VAV2: variants seen among roughly 807,000 people sequenced by gnomAD.
VAV2 encodes the protein vav guanine nucleotide exchange factor 2.
Under a neutral mutation model 132.5 loss-of-function variants are expected in VAV2, and 67 were observed. The ratio of observed to expected loss-of-function variants is 0.51; its 90% CI spans 0.42 to 0.62. VAV2 has a LOEUF of 0.62. Ranked by LOEUF, VAV2 falls within the 20% of genes least tolerant of loss-of-function variation. The pLI is 0.00. For synonymous variants in VAV2, 492 were observed against 443.5 expected (o/e 1.11, Z -1.37); for missense variants, 938 against 1,153.6 (o/e 0.81, Z 2.71).
intron 4 of VAV2, among the ~76,000 whole-genome samples, chr9:133,831,790 G>A (rs1340364949): frequency 2.0e-5 from 3 of 152,222 alleles, no homozygotes; most frequent in Admixed American, 6.5e-5. Context: ...CCCTCACACC[G>A]GCCAGGAGCT....
chr9:133,883,234 G>A lies in VAV2; in HGVS notation c.322-21802C>T, dbSNP rs1191361984. ...GCCCTTCATCATTTGCTCATTTCAC[G>A]TTCCCCTAATCATGCGAAGAGCCCT... On this transcript the variant is annotated intron_variant, in intron 2 of 29. Coordinates refer to ENST00000371850, the MANE Select transcript of VAV2 (RefSeq NM_001134398.2). This position sits in a 1 kb window ranked among gnomAD's most constrained non-coding sequence, Gnocchi z 4.2. 2.0e-5 allele frequency among the ~76,000 whole-genome samples: 3 copies of A among 152,212 alleles called. No individual in the cohort carries two copies. Among genetic ancestry groups the A allele is most frequent in the Admixed American group, 6.5e-5 (1 of 15,286 alleles).
At chr9:133,831,444 GA>G (rs369877382) in intron 4 of VAV2, among the ~76,000 whole-genome samples, 8,396 of 138,264 alleles carry the variant, frequency 0.061, 468 homozygotes, top group African/African-American at 0.16. Flanking sequence ...CTCAAAAAAA[GA>G]AAAAAAAAAA....
chr9:133,790,235 G>A (rs938655225), intron 13 of VAV2, among the ~76,000 whole-genome samples: 1 of 152,194 alleles, frequency 6.6e-6, no homozygotes, highest in African/African-American at 2.4e-5. Context: ...GGAGTGCAGT[G>A]GCGCAATCGT....
At chr9:133,767,957 A>G (rs1003048435) in intron 29 of VAV2, among the ~76,000 whole-genome samples, 3 of 152,156 alleles carry the variant, frequency 2.0e-5, no homozygotes, top group Non-Finnish European at 4.4e-5. Flanking sequence ...CCCACCTGGC[A>G]CTTGGGAAAG....
chr9:133,899,611 C>T (rs1208337969), intron 2 of VAV2, among the ~76,000 whole-genome samples: 2 of 150,694 alleles, frequency 1.3e-5, no homozygotes, highest in African/African-American at 4.9e-5. Flanking sequence ...CGTTTCACCA[C>T]GTTGACTAGG....
chr9:133,917,576 A>ACAGAGGC (rs915977253), intron 2 of VAV2, among the ~76,000 whole-genome samples: 1 of 151,698 alleles, frequency 6.6e-6, no homozygotes, highest in Non-Finnish European at 1.5e-5. Context: ...TGCCCATCCC[A>ACAGAGGC]CAGAGGCCAT....
intron 3 of VAV2, among the ~76,000 whole-genome samples, chr9:133,851,808 G>GGTGA (rs1837184934): frequency 7.8e-6 from 1 of 127,720 alleles, no homozygotes; most frequent in Non-Finnish European, 1.5e-5. Flanking sequence ...TAAATGGATG[G>GGTGA]ATGGATGGAT....
rs968870651 is a variant in VAV2 at position 133,794,704 on chromosome 9, TG to T, written c.1101+963del. On this transcript the variant is annotated intron_variant, in intron 12 of 29. Coordinates refer to ENST00000371850, the MANE Select transcript of VAV2 (RefSeq NM_001134398.2). The surrounding 1 kb of genome is among the most constrained non-coding windows in gnomAD (Gnocchi z 4.6). Reference sequence around the variant, plus strand: ...TCCTGTGCTCCCGACGAGGGAGATGTGGGGGGGGTCGTCATCCCTCCACCCA... The same window carrying T: ...TCCTGTGCTCCCGACGAGGGAGATGTGGGGGGGTCGTCATCCCTCCACCCA... 1.3e-4 allele frequency among the ~76,000 whole-genome samples: 19 copies of T among 151,720 alleles called. No individual in the cohort carries two copies. The highest frequency in any genetic ancestry group is 2.4e-4 in the African/African-American group (10 of 41,422).
chr9:133,812,108 G>T lies in VAV2; in HGVS notation c.552+6C>A. On this transcript the variant is annotated splice_donor_region_variant and intron_variant, in intron 5 of 29. Transcript: ENST00000371850. Reference sequence around the variant, plus strand: ...GGAAGGGAGGGAGGAGCGGGGCAGGGCTCACCATGGGCTGCTGCACCTCCA... The same window carrying T: ...GGAAGGGAGGGAGGAGCGGGGCAGGTCTCACCATGGGCTGCTGCACCTCCA... 1 of 1,613,498 alleles carries T rather than the reference G, an allele frequency of 6.2e-7. No individual in the cohort carries two copies. The highest frequency in any genetic ancestry group is 2.2e-5 in the East Asian group (1 of 44,864).
Position 133,824,974 on chromosome 9 carries a change from A to G in VAV2, c.449+9298T>C, listed in dbSNP as rs1286827963. ...CTGGCTTCATTCACTCCATTCTGCC[A>G]GTCCCCACAGAGGCCTGGCCTCACA... is the stretch of plus-strand genomic sequence containing the variant. On this transcript the variant is annotated intron_variant, in intron 4 of 29. Transcript: ENST00000371850. The surrounding 1 kb of genome is among the most constrained non-coding windows in gnomAD (Gnocchi z 5.2). Among the ~76,000 whole-genome samples the G allele has an allele frequency of 1.3e-5, 2 of 152,218 alleles. No homozygotes were observed. The highest frequency in any genetic ancestry group is 2.9e-5 in the Non-Finnish European group (2 of 68,030).
chr9:133,794,707 G>C lies in VAV2; in HGVS notation c.1101+961C>G, dbSNP rs777310550. Among the ~76,000 whole-genome samples the C allele has an allele frequency of 1.9e-4, 29 of 152,304 alleles. No homozygotes were observed. The highest frequency in any genetic ancestry group is 3.4e-4 in the Non-Finnish European group (23 of 68,012). ...TGTGCTCCCGACGAGGGAGATGTGGGGGGGGTCGTCATCCCTCCACCCAGA... is the reference window on the plus strand; with the variant it reads ...TGTGCTCCCGACGAGGGAGATGTGGCGGGGGTCGTCATCCCTCCACCCAGA... On this transcript the variant is annotated intron_variant, in intron 12 of 29. Coordinates refer to ENST00000371850, the MANE Select transcript of VAV2 (RefSeq NM_001134398.2). This position sits in a 1 kb window ranked among gnomAD's most constrained non-coding sequence, Gnocchi z 4.6.
At position 133,772,059 on chromosome 9, in the gene VAV2, A is replaced by G. The variant is rs1251487582; in HGVS notation, c.2136-13T>C. Reference sequence around the variant, plus strand: ...CTCATCATTGAACCTGAGCAAACACACGGCCCCGGCGGTCACCGCGTGAGG... The same window carrying G: ...CTCATCATTGAACCTGAGCAAACACGCGGCCCCGGCGGTCACCGCGTGAGG... On this transcript the variant is annotated splice_polypyrimidine_tract_variant and intron_variant, in intron 25 of 29. Transcript: ENST00000371850. 1 of 1,612,182 alleles carries G rather than the reference A, an allele frequency of 6.2e-7. No homozygotes were observed. Among genetic ancestry groups the G allele is most frequent in the Non-Finnish European group, 8.5e-7 (1 of 1,178,490 alleles).
chr9:133,905,694 T>TG (rs1158149896), intron 2 of VAV2, among the ~76,000 whole-genome samples: 1 of 151,952 alleles, frequency 6.6e-6, no homozygotes, highest in African/African-American at 2.4e-5. Flanking sequence ...AGACCAGCCC[T>TG]GGGGGGTAGC....
chr9:133,914,352 G>A (rs1055965235), intron 2 of VAV2, among the ~76,000 whole-genome samples: 3 of 152,040 alleles, frequency 2.0e-5, no homozygotes, highest in African/African-American at 7.2e-5. Flanking sequence ...CAGTGGCCAA[G>A]AAATGTAGAC....
chr9:133,840,099 AG>A lies in VAV2; in HGVS notation c.381-5760del, dbSNP rs1836659510. ...TGGCGTTGCCTTGCTCGTTAAGAGC[AG>A]GGAATGAGAAGCAGAGAAGGCCAAC... On this transcript the variant is annotated intron_variant, in intron 3 of 29. Coordinates refer to ENST00000371850, the MANE Select transcript of VAV2 (RefSeq NM_001134398.2). This position sits in a 1 kb window ranked among gnomAD's most constrained non-coding sequence, Gnocchi z 4.5. Among the ~76,000 whole-genome samples, 1 of 152,182 alleles carries A rather than the reference AG, an allele frequency of 6.6e-6. No individual in the cohort carries two copies. Among genetic ancestry groups the A allele is most frequent in the Non-Finnish European group, 1.5e-5 (1 of 68,028 alleles).
chr9:133,939,738 G>A (rs558779048), intron 1 of VAV2, among the ~76,000 whole-genome samples: 34 of 152,356 alleles, frequency 2.2e-4, no homozygotes, highest in African/African-American at 7.7e-4. Flanking sequence ...GTACATACAC[G>A]AGGCTTCTGA....
chr9:133,765,519 C>T (rs1490949264), intron 29 of VAV2, among the ~76,000 whole-genome samples: 1 of 152,140 alleles, frequency 6.6e-6, no homozygotes, highest in African/African-American at 2.4e-5. Flanking sequence ...ATAGCTGGCT[C>T]AAACTCTTCA....
chr9:133,905,418 A>AG (rs1265152560), intron 2 of VAV2, among the ~76,000 whole-genome samples: 1 of 133,254 alleles, frequency 7.5e-6, no homozygotes, highest in Non-Finnish European at 1.6e-5. Context: ...CCTGGGTGAC[A>AG]GAGTGAAACT....
At chr9:133,765,328 T>C (rs79032084) in intron 29 of VAV2, among the ~76,000 whole-genome samples, 2,424 of 152,290 alleles carry the variant, frequency 0.016, 69 homozygotes, top group African/African-American at 0.055. Context: ...AAATATAATC[T>C]TAAACACATG....
Sources: allele counts gnomAD v4.1 joint callset (sites outside exome capture counted in the v4.1 genomes callset), GRCh38; gene constraint gnomAD v4.1.1; non-coding constraint Gnocchi (gnomAD v3.1); transcripts MANE v1.5; gene names NCBI Gene and HGNC (gene_info 2026-07-23, HGNC 2026-07-21).